The following DGLUCY variants were observed in gnomAD, a reference collection of about 807,000 sequenced individuals.
DGLUCY encodes the protein D-glutamate cyclase, mitochondrial.
Under a neutral mutation model 58.5 loss-of-function variants are expected in DGLUCY, and 58 were observed. The observed-to-expected ratio is 0.99, with a 90% CI of 0.80 to 1.23. The LOEUF (loss-of-function observed/expected upper bound fraction) is 1.23, where lower values mean the gene tolerates loss of function less well. Ranked by LOEUF, DGLUCY falls within the 50% of genes most tolerant of loss-of-function variation. The probability of loss-of-function intolerance (pLI) is 0.00; values close to 1 mark genes in which losing one functional copy is unlikely to be tolerated. For synonymous variants in DGLUCY, 325 were observed against 314.1 expected (o/e 1.03, Z -0.37); for missense variants, 779 against 784.7 (o/e 0.99, Z 0.09).
chr14:91,106,319 C>A (rs537093472), upstream of DGLUCY, among the ~76,000 whole-genome samples: 20 of 150,500 alleles, frequency 1.3e-4, no homozygotes, highest in East Asian at 4.0e-4. Flanking sequence ...TACCCCCCCC[C>A]AAAAAACTTA....
chr14:91,148,483 G>A (rs1481247787), intron 1 of DGLUCY: 15 of 151,378 alleles, frequency 9.9e-5, no homozygotes, highest in Admixed American at 9.9e-4. Flanking sequence ...TGGGATTATA[G>A]GCATGAGCCA....
At chr14:91,086,761 T>G (rs960363886) in intron 1 of DGLUCY, among the ~76,000 whole-genome samples, 13 of 152,138 alleles carry the variant, frequency 8.5e-5, no homozygotes, top group Non-Finnish European at 1.6e-4. Flanking sequence ...TTAATTTAAT[T>G]AATTAATTTT....
At chr14:91,208,592 T>C (rs997994081) in intron 12 of DGLUCY, among the ~76,000 whole-genome samples, 2 of 151,942 alleles carry the variant, frequency 1.3e-5, no homozygotes, top group Non-Finnish European at 2.9e-5. Context: ...CTACAAAAAA[T>C]AGAAGAATTA....
Position 91,211,774 on chromosome 14 carries a change from A to G in DGLUCY, c.1565-3631A>G, listed in dbSNP as rs1473547089. Reference sequence around the variant, plus strand: ...GGAGAATATTTGGATGAGCATGAGTATGATTATGACTTCTTTTTATTTTAA... The same window carrying G: ...GGAGAATATTTGGATGAGCATGAGTGTGATTATGACTTCTTTTTATTTTAA... On this transcript the variant is annotated intron_variant, in intron 12 of 13. Transcript: ENST00000256324. Among the ~76,000 whole-genome samples, 9 of 152,180 alleles carry G rather than the reference A, an allele frequency of 5.9e-5. No individual in the cohort carries two copies. The East Asian group carries it at 1.7e-3, about 29-fold the overall frequency.
chr14:91,220,461 CAG>C (rs1196951753), intron 13 of DGLUCY: 1 of 456,242 alleles, frequency 2.2e-6, no homozygotes, highest in African/African-American at 2.0e-5. Context: ...GGGCAGGTGT[CAG>C]GGTGTCCCTG....
chr14:91,224,563 T>C, intron 13 of DGLUCY, 121 bp from the exon 14 acceptor site: 2 of 1,165,164 alleles, frequency 1.7e-6, no homozygotes, highest in Non-Finnish European at 2.3e-6. Flanking sequence ...AACCAAAATT[T>C]TACTTTTTTA....
intron 1 of DGLUCY, among the ~76,000 whole-genome samples, chr14:91,073,420 G>A (rs770171112): frequency 2.0e-5 from 3 of 152,172 alleles, no homozygotes; most frequent in Admixed American, 6.5e-5. Context: ...CAGCCTGGGC[G>A]ACAGAGTGAG....
At chr14:91,139,958 C>T (rs989415975) in intron 1 of DGLUCY, among the ~76,000 whole-genome samples, 3 of 152,060 alleles carry the variant, frequency 2.0e-5, no homozygotes, top group African/African-American at 7.2e-5. Flanking sequence ...CCCCATGTTG[C>T]AAGAGAAAGG....
intron 13 of DGLUCY, 85 bp from the exon 14 acceptor site, chr14:91,224,599 A>C: frequency 8.2e-6 from 11 of 1,335,440 alleles, no homozygotes; most frequent in South Asian, 1.6e-5. Context: ...AAGGCAAAGG[A>C]TCCTTCTCAC....
intron 7 of DGLUCY, among the ~76,000 whole-genome samples, chr14:91,179,715 C>T (rs2140446212): frequency 1.3e-5 from 2 of 149,494 alleles, no homozygotes; most frequent in East Asian, 4.0e-4. Context: ...CGCACCACTG[C>T]ACTCCAACCT....
intron 11 of DGLUCY, 149 bp downstream of exon 11, chr14:91,200,054 G>C (rs1474090563): frequency 2.0e-6 from 2 of 989,452 alleles, no homozygotes; most frequent in East Asian, 5.2e-5. Context: ...TCCTGGGTTC[G>C]AGCAATTCTT....
Position 91,188,417 on chromosome 14 carries a change from G to A in DGLUCY, c.935-493G>A, listed in dbSNP as rs528660892. Among the ~76,000 whole-genome samples the A allele has an allele frequency of 1.6e-4, 24 of 152,284 alleles. No individual in the cohort carries two copies. In the East Asian group the frequency reaches 1.7e-3, roughly 11 times the overall value. ...TCCTTCACTGCTGGGGTCAGGGGGC[G>A]GGGGTAGAATACACTGTGGCAAGCA... On this transcript the variant is annotated intron_variant, in intron 8 of 13. Transcript: ENST00000256324.
chr14:91,104,255 G>A (rs940622242), upstream of DGLUCY, among the ~76,000 whole-genome samples: 1 of 151,408 alleles, frequency 6.6e-6, no homozygotes, highest in African/African-American at 2.4e-5. Flanking sequence ...GTAGAGACGG[G>A]GTTTCACCGT....
At chr14:91,194,991 GC>G (rs2050117756) in intron 9 of DGLUCY, among the ~76,000 whole-genome samples, 1 of 152,218 alleles carries the variant, frequency 6.6e-6, no homozygotes, top group Non-Finnish European at 1.5e-5. Context: ...TCTGGAAGCT[GC>G]ATTTGCAGTA....
intron 9 of DGLUCY, among the ~76,000 whole-genome samples, chr14:91,195,795 C>T (rs1237217407): frequency 1.3e-5 from 2 of 151,668 alleles, no homozygotes; most frequent in African/African-American, 2.4e-5. Context: ...CTCAGCCTCC[C>T]GAGTAGCTGG....
Position 91,173,649 on chromosome 14 carries a change from C to G in DGLUCY, c.607+210C>G, listed in dbSNP as rs1004185624. On this transcript the variant is annotated intron_variant, in intron 6 of 13. Transcript: ENST00000256324. ...ACGTTCCTAAGCTCCCATGGCTTGT[C>G]TTTGTTTTTACCAGGGGTCTCCAGG... is the stretch of plus-strand genomic sequence containing the variant. 6 of 612,438 alleles carry G rather than the reference C, an allele frequency of 9.8e-6. No individual in the cohort carries two copies. The African/African-American group carries it at 1.1e-4, about 12-fold the overall frequency. The allele number at this position is 612,438 out of a possible 1,614,324, so 37.9% of individuals were successfully genotyped here. A position where few individuals can be genotyped will look rare whatever the true frequency, so the allele number is the denominator to read the frequency against.
rs200556528 is a variant in DGLUCY at position 91,224,821 on chromosome 14, G to A, written c.1854G>A (p.Thr618=). ...TCCAGAAGCTGGTGGACGTCACCACGGCACAGGTGTAACCGTCCATGTTCC... is the reference window on the plus strand; with the variant it reads ...TCCAGAAGCTGGTGGACGTCACCACAGCACAGGTGTAACCGTCCATGTTCC... ...EMIQKLVDVT[T]AQV is the part of the protein sequence containing the mutation. The change falls in exon 14 of 14, where the codon ACG becomes ACA. Residue 618 remains threonine (T), a synonymous_variant. Transcript: ENST00000256324. 61 of 1,611,906 alleles carry A rather than the reference G, an allele frequency of 3.8e-5. No homozygotes were observed. Among genetic ancestry groups the A allele is most frequent in the Admixed American group, 5.0e-5 (3 of 59,890 alleles).
At chr14:91,138,152 C>CT (rs1323722550) in intron 1 of DGLUCY, among the ~76,000 whole-genome samples, 3 of 152,150 alleles carry the variant, frequency 2.0e-5, no homozygotes, top group Non-Finnish European at 2.9e-5. Flanking sequence ...GTAGTGTCCC[C>CT]TGCCTATCTA....
At chr14:91,208,706 G>A (rs917082181) in intron 12 of DGLUCY, among the ~76,000 whole-genome samples, 3 of 152,094 alleles carry the variant, frequency 2.0e-5, no homozygotes, top group African/African-American at 7.2e-5. Flanking sequence ...CCATGATTGT[G>A]CCACTATACT....
Sources: gnomAD v4.1 joint callset for allele counts (sites outside exome capture counted in the v4.1 genomes callset) on GRCh38, gnomAD v4.1.1 for gene constraint, MANE v1.5 for transcripts, NCBI Gene and HGNC (gene_info 2026-07-23, HGNC 2026-07-21) for gene names.